The following CNOT2 variants were observed in gnomAD, a reference collection of about 807,000 sequenced individuals.
CNOT2 encodes the protein CC chemokine receptor 4-negative regulator of transcription 2.
In CNOT2, 7 loss-of-function variants were observed where a neutral mutation model predicts 72.1. That is an observed-to-expected ratio of 0.10 (90% CI 0.06 to 0.18). CNOT2 has a LOEUF of 0.18. Ranked by LOEUF, CNOT2 falls within the 10% of genes least tolerant of loss-of-function variation. CNOT2 has a pLI of 1.00. For synonymous variants in CNOT2, 196 were observed against 225.6 expected (o/e 0.87, Z 1.17); for missense variants, 345 against 660.3 (o/e 0.52, Z 5.23).
intron 1 of CNOT2, among the ~76,000 whole-genome samples, chr12:70,269,911 T>C (rs1434521907): frequency 6.6e-6 from 1 of 152,174 alleles, no homozygotes; most frequent in Non-Finnish European, 1.5e-5. Context: ...TAGGTGAACA[T>C]AAGTTATGTG....
chr12:70,304,145 C>T lies in CNOT2; in HGVS notation c.49-6750C>T, dbSNP rs533708967. On this transcript the variant is annotated intron_variant, in intron 2 of 15. Coordinates refer to ENST00000229195, the MANE Select transcript of CNOT2 (RefSeq NM_014515.7). ...GTTTTTAACTTCTTTGCCATTGGTT[C>T]GAACTTCCTCCTTAGTTCGGAGTAG... is the stretch of plus-strand genomic sequence containing the variant. 5.9e-5 allele frequency among the ~76,000 whole-genome samples: 9 copies of T among 152,048 alleles called. No homozygotes were observed. The South Asian group carries it at 1.0e-3, about 18-fold the overall frequency.
At chr12:70,256,581 G>GGAA (rs1958452229) in intron 1 of CNOT2, among the ~76,000 whole-genome samples, 3 of 77,496 alleles carry the variant, frequency 3.9e-5, no homozygotes, top group African/African-American at 1.5e-4. Context: ...AGACCTGTGG[G>GGAA]TAAAAAAAAA....
chr12:70,272,056 T>C (rs1412877506), intron 1 of CNOT2, among the ~76,000 whole-genome samples: 3 of 152,208 alleles, frequency 2.0e-5, no homozygotes, highest in African/African-American at 7.2e-5. Context: ...AAATTAACCT[T>C]CCGGTTGCTG....
At chr12:70,336,488 A>G (rs1880719750) in intron 8 of CNOT2, 1 of 152,132 alleles carries the variant, frequency 6.6e-6, no homozygotes, top group Admixed American at 6.6e-5. Context: ...GAATCAGTTC[A>G]TCCATTATTT....
chr12:70,335,073 C>T lies in CNOT2; in HGVS notation c.650-365C>T, dbSNP rs190633481. 1.5e-4 allele frequency: 24 copies of T among 162,990 alleles called. No individual in the cohort carries two copies. The East Asian group carries it at 4.0e-3, about 27-fold the overall frequency. 10.1% of individuals were successfully genotyped at this position (162,990 alleles called of 1,614,324 possible). On this transcript the variant is annotated intron_variant, in intron 7 of 15. Transcript: ENST00000229195. ...CTTCAAGCATTCTAGATATAACCTC[C>T]ATCTGAGCATAATGAAAAGACAAGT... is the stretch of plus-strand genomic sequence containing the variant.
chr12:70,330,630 C>G, intron 6 of CNOT2, 161 bp downstream of exon 6: 1 of 445,430 alleles, frequency 2.2e-6, no homozygotes, highest in Non-Finnish European at 4.0e-6. Context: ...CAAAACGATA[C>G]GTTTTCTTGA....
At chr12:70,338,371 G>T in intron 9 of CNOT2, 72 bp from the exon 10 acceptor site, 1 of 1,217,396 alleles carries the variant, frequency 8.2e-7, no homozygotes, top group Non-Finnish European at 1.2e-6. Flanking sequence ...TAAATAGCAA[G>T]GTATTAATAT....
At chr12:70,258,279 C>T (rs1306681319) in intron 1 of CNOT2, among the ~76,000 whole-genome samples, 1 of 152,096 alleles carries the variant, frequency 6.6e-6, no homozygotes, top group Admixed American at 6.5e-5. Context: ...CAAAACTGAT[C>T]TCCAAGGGGT....
chr12:70,278,462 ATATTCATAATG>A (rs1555191381), intron 2 of CNOT2, 188 bp downstream of exon 2: 2 of 489,670 alleles, frequency 4.1e-6, no homozygotes, highest in Non-Finnish European at 7.2e-6. Context: ...AAAATAAAGC[ATATTCATAATG>A]TATATTTTTT....
chr12:70,354,093 G>A lies in CNOT2; in HGVS notation c.*178G>A. 4 of 1,135,234 alleles carry A rather than the reference G, an allele frequency of 3.5e-6. No individual in the cohort carries two copies. The highest frequency in any genetic ancestry group is 4.6e-6 in the Non-Finnish European group (4 of 863,832). The allele number at this position is 1,135,234 out of a possible 1,614,324, so 70.3% of individuals were successfully genotyped here. A position where few individuals can be genotyped will look rare whatever the true frequency, so the allele number is the denominator to read the frequency against. ...TTTGAGGTCCTGCCTTACTAATTAT[G>A]TGCTGCCCAACAACTAAATTTGTAA... is the stretch of plus-strand genomic sequence containing the variant. On this transcript the variant is annotated 3_prime_UTR_variant, in exon 16 of 16. Transcript: ENST00000229195.
chr12:70,308,584 T>TCACACACACACA (rs58837695), intron 2 of CNOT2, among the ~76,000 whole-genome samples: 1 of 133,240 alleles, frequency 7.5e-6, no homozygotes, highest in Non-Finnish European at 1.7e-5. Flanking sequence ...TCTCTCTCTC[T>TCACACACACACA]CACACACACA....
At chr12:70,271,240 C>A (rs1234141531) in intron 1 of CNOT2, among the ~76,000 whole-genome samples, 1 of 151,984 alleles carries the variant, frequency 6.6e-6, no homozygotes, top group Non-Finnish European at 1.5e-5. Context: ...TCTGTTTTTT[C>A]TTTCTTTCCT....
chr12:70,350,682 G>T (rs1461991579), intron 15 of CNOT2, among the ~76,000 whole-genome samples: 3 of 152,132 alleles, frequency 2.0e-5, no homozygotes, highest in Non-Finnish European at 4.4e-5. Flanking sequence ...TACCCTCAGG[G>T]TATGTGAATA....
chr12:70,306,258 C>A (rs550911644), intron 2 of CNOT2, among the ~76,000 whole-genome samples: 1 of 152,234 alleles, frequency 6.6e-6, no homozygotes, highest in African/African-American at 2.4e-5. Flanking sequence ...TGGGTTCAAG[C>A]AGTTCTCCCA....
chr12:70,310,190 G>A (rs1876213313), intron 2 of CNOT2, among the ~76,000 whole-genome samples: 1 of 152,024 alleles, frequency 6.6e-6, no homozygotes, highest in African/African-American at 2.4e-5. Context: ...TTTAATCCAT[G>A]AGGGGAGAGG....
At chr12:70,308,476 A>C (rs540952809) in intron 2 of CNOT2, among the ~76,000 whole-genome samples, 1 of 152,020 alleles carries the variant, frequency 6.6e-6, no homozygotes, top group South Asian at 2.1e-4. Context: ...GTCATGTAAG[A>C]ATAATTAGTA....
Position 70,265,489 on chromosome 12 carries a change from C to T in CNOT2, c.-95-12643C>T, listed in dbSNP as rs74332998. ...ATTATCCTTTTAATGCCTGTGGGTT[C>T]TATATTTTCTCTTTTATTCCTGATA... On this transcript the variant is annotated intron_variant, in intron 1 of 15. Transcript: ENST00000229195. Among the ~76,000 whole-genome samples the T allele has an allele frequency of 1.9e-3, 293 of 151,846 alleles. 1 individual carries two copies. The highest frequency in any genetic ancestry group is 6.1e-3 in the African/African-American group (253 of 41,436).
rs117236275 is a variant in CNOT2 at position 70,253,464 on chromosome 12, A to C, written c.-96+9984A>C. Among the ~76,000 whole-genome samples, 90 of 152,212 alleles carry C rather than the reference A, an allele frequency of 5.9e-4. 1 individual carries two copies. In the East Asian group the frequency reaches 0.016, roughly 26 times the overall value. ...TCAGAAGAAACACTTAGCACCTTTT[A>C]TTTATTTTTTTGAAAGTTGAGAAAT... On this transcript the variant is annotated intron_variant, in intron 1 of 15. Transcript: ENST00000229195.
intron 4 of CNOT2, among the ~76,000 whole-genome samples, chr12:70,327,148 A>G (rs1262545847): frequency 6.6e-6 from 1 of 151,904 alleles, no homozygotes; most frequent in African/African-American, 2.4e-5. Flanking sequence ...AAAGGGGGCC[A>G]AAAGGGCACT....
Sources: gnomAD v4.1 joint callset for allele counts (sites outside exome capture counted in the v4.1 genomes callset) on GRCh38, gnomAD v4.1.1 for gene constraint, MANE v1.5 for transcripts, NCBI Gene and HGNC (gene_info 2026-07-23, HGNC 2026-07-21) for gene names.